SLC15A4: variants seen among roughly 807,000 people sequenced by gnomAD.
The protein encoded by SLC15A4 is solute carrier family 15 member 4, also known as hPHT1.
Under a neutral mutation model 46.1 loss-of-function variants are expected in SLC15A4, and 26 were observed. The ratio of observed to expected loss-of-function variants is 0.56; its 90% CI spans 0.41 to 0.78. The LOEUF (loss-of-function observed/expected upper bound fraction) is 0.78, where lower values mean the gene tolerates loss of function less well. SLC15A4 is among the 30% of genes least tolerant of loss of function. The probability of loss-of-function intolerance (pLI) is 0.00; values close to 1 mark genes in which losing one functional copy is unlikely to be tolerated. For synonymous variants in SLC15A4, 370 were observed against 333.4 expected (o/e 1.11, Z -1.20); for missense variants, 751 against 755.7 (o/e 0.99, Z 0.07).
intron 2 of SLC15A4, among the ~76,000 whole-genome samples, chr12:128,812,484 T>C (rs1384927097): frequency 6.6e-6 from 1 of 152,110 alleles, no homozygotes; most frequent in African/African-American, 2.4e-5. Flanking sequence ...CACGCCCGGC[T>C]AATTTTTTGT....
In SLC15A4 at chr12:128,816,829, G is replaced by A. The variant is rs545748967; in HGVS notation, c.547-1759C>T. Among the ~76,000 whole-genome samples, 485 of 149,646 alleles carry A rather than the reference G, an allele frequency of 3.2e-3. 1 individual carries two copies. Among genetic ancestry groups the A allele is most frequent in the Non-Finnish European group, 4.7e-3 (314 of 67,316 alleles). Reference sequence around the variant, plus strand: ...AAGCGACAGAGGCCCTGTCTCAAAAGAAAAAAAAAGATATGGTATGTAATA... The same window carrying A: ...AAGCGACAGAGGCCCTGTCTCAAAAAAAAAAAAAAGATATGGTATGTAATA... On this transcript the variant is annotated intron_variant, in intron 1 of 7. Coordinates refer to ENST00000266771, the MANE Select transcript of SLC15A4 (RefSeq NM_145648.4).
chr12:128,822,742 G>A lies in SLC15A4; in HGVS notation c.546+656C>T, dbSNP rs1041973881. ...AATTTTTGTATTTTTAGCCAGGCTG[G>A]TCAGGCTGGTCTCGAACTCCTGACC... On this transcript the variant is annotated intron_variant, in intron 1 of 7. Transcript: ENST00000266771. 2.0e-5 allele frequency among the ~76,000 whole-genome samples: 3 copies of A among 152,136 alleles called. No individual in the cohort carries two copies. The South Asian group carries it at 6.2e-4, about 32-fold the overall frequency.
intron 7 of SLC15A4, among the ~76,000 whole-genome samples, chr12:128,795,447 C>T (rs1346336791): frequency 4.6e-5 from 7 of 152,206 alleles, no homozygotes; most frequent in Admixed American, 4.6e-4. Context: ...GGCCATGCAG[C>T]TCAAGCTATA....
chr12:128,823,496 C>T lies in SLC15A4; in HGVS notation c.448G>A (p.Ala150Thr). ...AAGGTGGCCGGTGAGCAGCAGCGGGCGGCGGCGTCGGGACCAGGCGCCGTG... is the reference window on the plus strand; with the variant it reads ...AAGGTGGCCGGTGAGCAGCAGCGGGTGGCGGCGTCGGGACCAGGCGCCGTG... ...NCTAPGPDAA[A>T]RCCSPATFAG... The change falls in exon 1 of 8, where the codon GCC becomes ACC. Residue 150 changes from alanine (A) to threonine (T), a missense_variant. Transcript: ENST00000266771. 6.7e-7 allele frequency: 1 copy of T among 1,483,680 alleles called. No individual in the cohort carries two copies. Among genetic ancestry groups the T allele is most frequent in the East Asian group, 2.9e-5 (1 of 35,018 alleles). 91.9% of individuals were successfully genotyped at this position (1,483,680 alleles called of 1,614,324 possible). A position where few individuals can be genotyped will look rare whatever the true frequency, so the allele number is the denominator to read the frequency against.
In SLC15A4 at chr12:128,795,179, G is replaced by A. The variant is rs1484105933; in HGVS notation, c.1574-823C>T. Among the ~76,000 whole-genome samples the A allele has an allele frequency of 4.6e-5, 7 of 152,008 alleles. No individual in the cohort carries two copies. The East Asian group carries it at 9.6e-4, about 21-fold the overall frequency. ...CGTGAATTCTGGATTCACTGCATGG[G>A]TCACTGACACACCCAACACACCAGG... On this transcript the variant is annotated intron_variant, in intron 7 of 7. Transcript: ENST00000266771.
rs1337068140 is a variant in SLC15A4 at position 128,793,874 on chromosome 12, C to G, written c.*322G>C. The G allele has an allele frequency of 4.7e-6, 1 of 214,968 alleles. No individual in the cohort carries two copies. Among genetic ancestry groups the G allele is most frequent in the East Asian group, 1.0e-4 (1 of 9,836 alleles). 13.3% of individuals were successfully genotyped at this position (214,968 alleles called of 1,614,324 possible). On this transcript the variant is annotated 3_prime_UTR_variant, in exon 8 of 8. Coordinates refer to ENST00000266771, the MANE Select transcript of SLC15A4 (RefSeq NM_145648.4). ...GATGCCAACTAACACGTGGAGTTCCCCAAGACTTTGCAATCTCCATTTGTG... is the reference window on the plus strand; with the variant it reads ...GATGCCAACTAACACGTGGAGTTCCGCAAGACTTTGCAATCTCCATTTGTG...
intron 7 of SLC15A4, among the ~76,000 whole-genome samples, chr12:128,798,790 T>C (rs1189316686): frequency 6.6e-6 from 1 of 152,188 alleles, no homozygotes; most frequent in Non-Finnish European, 1.5e-5. Context: ...AGTAATATGT[T>C]TATTTTTAAA....
chr12:128,805,402 C>A (rs1417402953), intron 5 of SLC15A4, among the ~76,000 whole-genome samples: 2 of 152,036 alleles, frequency 1.3e-5, no homozygotes, highest in Non-Finnish European at 1.5e-5. Flanking sequence ...CTGAAACTCA[C>A]AGAATTTTAT....
At chr12:128,821,704 G>A (rs1031288537) in intron 1 of SLC15A4, among the ~76,000 whole-genome samples, 1 of 152,016 alleles carries the variant, frequency 6.6e-6, no homozygotes, top group African/African-American at 2.4e-5. Context: ...TGGCCAACAC[G>A]GTGAAACCCC....
intron 7 of SLC15A4, among the ~76,000 whole-genome samples, chr12:128,798,984 C>G (rs761149913): frequency 6.6e-6 from 1 of 152,174 alleles, no homozygotes. Flanking sequence ...CCGTAAGGAG[C>G]GGTGGCTGCA....
At chr12:128,810,355 T>G (rs1352571127) in intron 2 of SLC15A4, 5 of 464,412 alleles carry the variant, frequency 1.1e-5, no homozygotes, top group Non-Finnish European at 2.0e-5. Flanking sequence ...TACTGTAATT[T>G]TGGCGTGGCT....
chr12:128,805,884 A>T (rs1301764661), intron 5 of SLC15A4, among the ~76,000 whole-genome samples: 1 of 152,104 alleles, frequency 6.6e-6, no homozygotes, highest in Non-Finnish European at 1.5e-5. Flanking sequence ...GTAACAACAC[A>T]AAAAAAGAAA....
rs1161417670 is a variant in SLC15A4, at chr12:128,817,153, T to G, written c.547-2083A>C. Among the ~76,000 whole-genome samples, 6 of 152,340 alleles carry G rather than the reference T, an allele frequency of 3.9e-5. No homozygotes were observed. The East Asian group carries it at 9.7e-4, about 25-fold the overall frequency. On this transcript the variant is annotated intron_variant, in intron 1 of 7. Coordinates refer to ENST00000266771, the MANE Select transcript of SLC15A4 (RefSeq NM_145648.4). ...CTCAAGAGTTTAAACTTTTCTCTTA[T>G]CTATTACAATACTGAACAGAGGTCC...
intron 1 of SLC15A4, 30 bp downstream of exon 1, chr12:128,823,368 A>G: frequency 7.2e-7 from 1 of 1,383,010 alleles, no homozygotes; most frequent in Non-Finnish European, 9.3e-7. Context: ...CTGGACAGGG[A>G]CAGGGACAGC....
chr12:128,820,533 T>G (rs1414959279), intron 1 of SLC15A4, among the ~76,000 whole-genome samples: 1 of 152,234 alleles, frequency 6.6e-6, no homozygotes, highest in Non-Finnish European at 1.5e-5. Context: ...AAGCTCACAT[T>G]CAAAGGACAG....
chr12:128,809,966 G>T lies in SLC15A4; in HGVS notation c.988C>A (p.Pro330Thr), dbSNP rs1399548126. The change falls in exon 3 of 8, where the codon CCT becomes ACT. Residue 330 changes from proline to threonine, a missense_variant. Coordinates refer to ENST00000266771, the MANE Select transcript of SLC15A4 (RefSeq NM_145648.4). ...ACTTGGAAATACACTGTCCAGTAAG[G>T]TATCAAAGCCAAGAAAACAGGGACA... ...KIVPVFLALI[P>T]YWTVYFQMQT... 6.2e-7 allele frequency: 1 copy of T among 1,613,900 alleles called. No individual in the cohort carries two copies. Among genetic ancestry groups the T allele is most frequent in the Non-Finnish European group, 8.5e-7 (1 of 1,180,016 alleles).
rs1422445974 is a variant in SLC15A4 at position 128,794,006 on chromosome 12, GGA to G, written c.*188_*189del. Reference sequence around the variant, plus strand: ...TCCTCCCGGAGGGCCCAGCGTGCCAGGAGACACGCTGCAGTAAGGCACTTACC... The same window carrying G: ...TCCTCCCGGAGGGCCCAGCGTGCCAGGACACGCTGCAGTAAGGCACTTACC... On this transcript the variant is annotated 3_prime_UTR_variant, in exon 8 of 8. Transcript: ENST00000266771. The G allele has an allele frequency of 2.1e-6, 1 of 473,408 alleles. No individual in the cohort carries two copies. The highest frequency in any genetic ancestry group is 2.0e-5 in the African/African-American group (1 of 50,810). The allele number at this position is 473,408 out of a possible 1,614,324, so 29.3% of individuals were successfully genotyped here. A position where few individuals can be genotyped will look rare whatever the true frequency, so the allele number is the denominator to read the frequency against.
intron 1 of SLC15A4, among the ~76,000 whole-genome samples, chr12:128,819,037 G>A (rs151017790): frequency 6.6e-6 from 1 of 152,120 alleles, no homozygotes; most frequent in African/African-American, 2.4e-5. Context: ...AATTCCAAAT[G>A]TATAGAAAAG....
In SLC15A4 at chr12:128,793,542, G is replaced by C. The variant is rs545011114; in HGVS notation, c.*654C>G. 1 of 152,288 alleles carries C rather than the reference G, an allele frequency of 6.6e-6. No homozygotes were observed. Among genetic ancestry groups the C allele is most frequent in the Non-Finnish European group, 1.5e-5 (1 of 68,034 alleles). 9.4% of individuals were successfully genotyped at this position (152,288 alleles called of 1,614,324 possible). A position where few individuals can be genotyped will look rare whatever the true frequency, so the allele number is the denominator to read the frequency against. On this transcript the variant is annotated 3_prime_UTR_variant, in exon 8 of 8. Transcript: ENST00000266771. ...ACACATGGTCTCAAATGACTCTTAT[G>C]CATGCCTTGCCTTAAGAAAGAAAAG... is the stretch of plus-strand genomic sequence containing the variant.
Sources: allele counts gnomAD v4.1 joint callset (sites outside exome capture counted in the v4.1 genomes callset), GRCh38; gene constraint gnomAD v4.1.1; transcripts MANE v1.5; gene names NCBI Gene and HGNC (gene_info 2026-07-23, HGNC 2026-07-21).